Variants in ZNF362 observed in about 807,000 individuals in gnomAD.
ZNF362 encodes the protein zinc finger protein 362.
ZNF362 carries 11 observed loss-of-function variants against 42.9 expected under a neutral mutation model. The ratio of observed to expected loss-of-function variants is 0.26; its 90% CI spans 0.16 to 0.42. The LOEUF (loss-of-function observed/expected upper bound fraction) is 0.42, where lower values mean the gene tolerates loss of function less well. ZNF362 is among the 20% of genes least tolerant of loss of function. The pLI is 1.00. For missense variants in ZNF362, 362 were observed against 576.2 expected (o/e 0.63, Z 3.81); for synonymous variants, 255 against 257.3 (o/e 0.99, Z 0.09).
At chr1:33,177,571 G>A in the ZNF362 span, among the ~76,000 whole-genome samples, 3 of 152,322 alleles carry the variant, frequency 2.0e-5, no homozygotes, top group East Asian at 3.9e-4. This position sits in a 1 kb window ranked among gnomAD's most constrained non-coding sequence, Gnocchi z 4.1. Flanking sequence ...TTAAAGTTCA[G>A]TGGGACTTTT....
At chr1:33,212,135 C>A in the ZNF362 span, among the ~76,000 whole-genome samples, 1 of 152,182 alleles carries the variant, frequency 6.6e-6, no homozygotes, top group Non-Finnish European at 1.5e-5. Context: ...CCGCCGCCTT[C>A]TCTCTGTTCC....
intron 6 of ZNF362, among the ~76,000 whole-genome samples, chr1:33,286,582 A>G (rs960230764): frequency 2.0e-5 from 3 of 152,158 alleles, no homozygotes; most frequent in African/African-American, 7.2e-5. Flanking sequence ...GATTCTATCA[A>G]CATTTGGAAG....
intron 2 of ZNF362, chr1:33,275,439 G>T (rs575643589): frequency 9.3e-6 from 9 of 967,526 alleles, no homozygotes; most frequent in Non-Finnish European, 1.1e-5. Context: ...CATCCACGTC[G>T]TTGTAGGTCA....
At chr1:33,257,809 G>A (rs747728942) in intron 1 of ZNF362, among the ~76,000 whole-genome samples, 10 of 152,160 alleles carry the variant, frequency 6.6e-5, no homozygotes, top group Non-Finnish European at 1.3e-4. Flanking sequence ...TGTGTGTGTG[G>A]CAGTGGGCCT....
the ZNF362 span, among the ~76,000 whole-genome samples, chr1:33,141,703 A>G: frequency 6.6e-5 from 10 of 152,298 alleles, no homozygotes; most frequent in African/African-American, 2.4e-4. Context: ...TGTAATAGAA[A>G]TATGATAGAA....
At chr1:33,215,790 A>G in the ZNF362 span, among the ~76,000 whole-genome samples, 1 of 152,090 alleles carries the variant, frequency 6.6e-6, no homozygotes, top group South Asian at 2.1e-4. Context: ...GAGCACACAT[A>G]TATAGGAATA....
intron 1 of ZNF362, chr1:33,261,307 C>G (rs1645826563): frequency 6.6e-6 from 1 of 152,206 alleles, no homozygotes; most frequent in Non-Finnish European, 1.5e-5. Flanking sequence ...TCAGAAAGTT[C>G]TCATTGCTAG....
At chr1:33,232,672 A>G in the ZNF362 span, among the ~76,000 whole-genome samples, 9 of 152,222 alleles carry the variant, frequency 5.9e-5, no homozygotes, top group Non-Finnish European at 1.2e-4. Flanking sequence ...GGAAGCTGAC[A>G]CCGCTTGAAG....
At chr1:33,251,719 CGT>C (rs1456478765), upstream of ZNF362, among the ~76,000 whole-genome samples, 1 of 152,198 alleles carries the variant, frequency 6.6e-6, no homozygotes, top group South Asian at 2.1e-4. Context: ...AGAACCTTCA[CGT>C]ACTGTTCTCT....
the ZNF362 span, among the ~76,000 whole-genome samples, chr1:33,152,341 G>A: frequency 2.0e-5 from 3 of 152,136 alleles, no homozygotes; most frequent in South Asian, 2.1e-4. Flanking sequence ...CGAGGCAGGC[G>A]GATCACCTGA....
At chr1:33,276,049 C>G in intron 2 of ZNF362, 51 bp from the exon 3 acceptor site, 1 of 1,607,996 alleles carries the variant, frequency 6.2e-7, no homozygotes, top group Non-Finnish European at 8.5e-7. Context: ...GTGCTCGCCC[C>G]AGGCCTTGGG....
the ZNF362 span, among the ~76,000 whole-genome samples, chr1:33,158,960 C>T: frequency 6.6e-6 from 1 of 152,060 alleles, no homozygotes; most frequent in East Asian, 1.9e-4. Context: ...CCTGCCTCAG[C>T]CTCCTGAATA....
chr1:33,245,337 A>C, the ZNF362 span, among the ~76,000 whole-genome samples: 2 of 152,196 alleles, frequency 1.3e-5, no homozygotes, highest in Non-Finnish European at 2.9e-5. Context: ...TTCAGAGTTC[A>C]GGACCAGAAC....
upstream of ZNF362, among the ~76,000 whole-genome samples, chr1:33,254,799 T>C (rs1317240857): frequency 6.6e-6 from 1 of 152,114 alleles, no homozygotes; most frequent in African/African-American, 2.4e-5. Context: ...TAGGGAGTGA[T>C]GCTCCCCCTC....
At chr1:33,159,015 A>T in the ZNF362 span, among the ~76,000 whole-genome samples, 1 of 149,890 alleles carries the variant, frequency 6.7e-6, no homozygotes, top group Non-Finnish European at 1.5e-5. The surrounding 1 kb of genome is among the most constrained non-coding windows in gnomAD (Gnocchi z 4.2). Context: ...TAATTTTTGT[A>T]TTTTTTTTTA....
At chr1:33,174,945 G>GTGTATATATA in the ZNF362 span, among the ~76,000 whole-genome samples, 49 of 141,752 alleles carry the variant, frequency 3.5e-4, no homozygotes, top group African/African-American at 1.3e-3. Flanking sequence ...ATATATGTGT[G>GTGTATATATA]TATATATATA....
At chr1:33,275,800 G>A (rs1423509160) in intron 2 of ZNF362, among the ~76,000 whole-genome samples, 3 of 152,150 alleles carry the variant, frequency 2.0e-5, no homozygotes, top group Non-Finnish European at 4.4e-5. Flanking sequence ...GAGATTGGTT[G>A]GCCAGCACTG....
At chr1:33,159,522 T>C in the ZNF362 span, among the ~76,000 whole-genome samples, 1 of 152,156 alleles carries the variant, frequency 6.6e-6, no homozygotes, top group African/African-American at 2.4e-5. This position sits in a 1 kb window ranked among gnomAD's most constrained non-coding sequence, Gnocchi z 4.2. Context: ...GGCTTCATAC[T>C]CAAGGCTTCA....
In ZNF362 at chr1:33,281,335, C is replaced by T. The variant is rs1405618821; in HGVS notation, c.684-252C>T. 6.6e-6 allele frequency among the ~76,000 whole-genome samples: 1 copy of T among 152,156 alleles called. No homozygotes were observed. Among genetic ancestry groups the T allele is most frequent in the Non-Finnish European group, 1.5e-5 (1 of 68,012 alleles). On this transcript the variant is annotated intron_variant, in intron 5 of 8. Coordinates refer to ENST00000539719, the MANE Select transcript of ZNF362 (RefSeq NM_152493.3). The surrounding 1 kb of genome is among the most constrained non-coding windows in gnomAD (Gnocchi z 4.8). ...GGGCAAACCCTCACCAGGATCAGGC[C>T]TGTCTTCCCTATGAGGTGTAACCTA...
Sources: gnomAD v4.1 joint callset for allele counts (sites outside exome capture counted in the v4.1 genomes callset) on GRCh38, gnomAD v4.1.1 for gene constraint, Gnocchi (gnomAD v3.1) non-coding constraint, MANE v1.5 for transcripts, NCBI Gene and HGNC (gene_info 2026-07-23, HGNC 2026-07-21) for gene names.